Variants in PDXDC1 observed in about 807,000 individuals in gnomAD.
PDXDC1 encodes the protein pyridoxal dependent decarboxylase domain containing 1.
In PDXDC1, 42 loss-of-function variants were observed where a neutral mutation model predicts 100.1. The ratio of observed to expected loss-of-function variants is 0.42; its 90% confidence interval spans 0.33 to 0.54. PDXDC1 has a LOEUF of 0.54. Ranked by LOEUF, PDXDC1 falls within the 20% of genes least tolerant of loss-of-function variation. PDXDC1 has a pLI of 0.10. For missense variants in PDXDC1, 636 were observed against 979.2 expected (o/e 0.65, Z 4.68); for synonymous variants, 260 against 371.7 (o/e 0.70, Z 3.46).
chr16:15,098,482 T>C (rs1392484650), intron 16 of PDXDC1, among the ~76,000 whole-genome samples: 6 of 152,092 alleles, frequency 3.9e-5, no homozygotes, highest in Non-Finnish European at 8.8e-5. Flanking sequence ...ATTACAGGTG[T>C]GAGCCATCGT....
intron 16 of PDXDC1, chr16:15,132,930 C>A (rs1260077186): frequency 6.3e-7 from 1 of 1,579,914 alleles, no homozygotes; most frequent in Non-Finnish European, 8.6e-7. Flanking sequence ...CGGCAGGAGG[C>A]CAGCAGATGC....
In PDXDC1 at chr16:15,128,670, G is replaced by A. The variant is rs563450612; in HGVS notation, c.1400-10209G>A. On this transcript the variant is annotated intron_variant, in intron 16 of 16. Coordinates refer to the PDXDC1 transcript ENST00000535621. ...CAGTCCACACCACAACCAGTGACCC[G>A]CACTGCACACCTGTCCACGCCTCAG... Among the ~76,000 whole-genome samples, 183 of 152,082 alleles carry A rather than the reference G, an allele frequency of 1.2e-3. 1 individual carries two copies. Among genetic ancestry groups the A allele is most frequent in the African/African-American group, 4.2e-3 (176 of 41,480 alleles).
chr16:15,033,232 A>C, intron 18 of PDXDC1, 46 bp from the exon 19 acceptor site: 1 of 1,609,700 alleles, frequency 6.2e-7, no homozygotes, highest in South Asian at 1.1e-5. Flanking sequence ...CGTCTCACCC[A>C]TGACAGAGGA....
intron 7 of PDXDC1, among the ~76,000 whole-genome samples, 169 bp downstream of exon 7, chr16:15,009,016 G>C (rs1039979223): frequency 6.6e-6 from 1 of 152,278 alleles, no homozygotes; most frequent in Non-Finnish European, 1.5e-5. Context: ...TGTCCATGAA[G>C]GTTGGTTGGT....
chr16:15,136,366 T>C (rs2048346566), intron 16 of PDXDC1, among the ~76,000 whole-genome samples: 1 of 151,800 alleles, frequency 6.6e-6, no homozygotes, highest in Admixed American at 6.5e-5. Context: ...TGCCCAGGAG[T>C]GTCCGGAGGC....
At chr16:15,000,298 C>T (rs1256477513) in intron 3 of PDXDC1, among the ~76,000 whole-genome samples, 1 of 152,290 alleles carries the variant, frequency 6.6e-6, no homozygotes, top group East Asian at 1.9e-4. Flanking sequence ...ATGCCAGGCA[C>T]AGCTAAGTGC....
chr16:15,030,068 T>G lies in PDXDC1; in HGVS notation c.1399+12T>G. 1 of 1,551,130 alleles carries G rather than the reference T, an allele frequency of 6.4e-7. No individual in the cohort carries two copies. Among genetic ancestry groups the G allele is most frequent in the Non-Finnish European group, 8.7e-7 (1 of 1,146,194 alleles). ...GATGACCGCAGCAGGTAAACCAGGC[T>G]TGGTGGACATCCCTTGCTTTTGTTC... On this transcript the variant is annotated intron_variant, in intron 16 of 22. Transcript: ENST00000396410.
chr16:14,984,499 T>A lies in PDXDC1; in HGVS notation c.21+9279T>A, dbSNP rs866695291. Among the ~76,000 whole-genome samples the A allele has an allele frequency of 3.8e-3, 398 of 105,686 alleles. 1 individual carries two copies. The highest frequency in any genetic ancestry group is 4.6e-3 in the Non-Finnish European group (230 of 50,396). 69.3% of individuals were successfully genotyped at this position (105,686 alleles called of 152,430 possible). ...TACATATATATATATATATATATTTTTTTTTTTTTTTTTTCTGAGACGGAC... is the reference window on the plus strand; with the variant it reads ...TACATATATATATATATATATATTTATTTTTTTTTTTTTTCTGAGACGGAC... On this transcript the variant is annotated intron_variant, in intron 1 of 22. Coordinates refer to ENST00000396410, the MANE Select transcript of PDXDC1 (RefSeq NM_015027.4).
the PDXDC1 span, among the ~76,000 whole-genome samples, chr16:15,152,116 C>T: frequency 1.5e-4 from 21 of 144,744 alleles, no homozygotes; most frequent in African/African-American, 5.2e-4. Flanking sequence ...AAAGCCACCA[C>T]CTCTCGGCAG....
Position 15,036,281 on chromosome 16 carries a change from A to T in PDXDC1, c.*6A>T. 1 of 1,611,428 alleles carries T rather than the reference A, an allele frequency of 6.2e-7. No homozygotes were observed. Among genetic ancestry groups the T allele is most frequent in the Non-Finnish European group, 8.5e-7 (1 of 1,178,008 alleles). On this transcript the variant is annotated 3_prime_UTR_variant, in exon 23 of 23. Transcript: ENST00000396410. ...GACCGGAGAGCTTAAGATGAGACTC[A>T]TTGTGTGGTTTGAGACTGTACTGAG...
chr16:14,994,325 A>G (rs1368426499), intron 1 of PDXDC1, among the ~76,000 whole-genome samples: 1 of 152,296 alleles, frequency 6.6e-6, no homozygotes, highest in Non-Finnish European at 1.5e-5. Context: ...TATAAGATGT[A>G]AGGAAGGGAT....
intron 16 of PDXDC1, among the ~76,000 whole-genome samples, chr16:15,112,212 G>C (rs1319797215): frequency 6.7e-6 from 1 of 148,514 alleles, no homozygotes; most frequent in Non-Finnish European, 1.5e-5. Context: ...TGAATCTCCT[G>C]AGGTAGTCAT....
intron 16 of PDXDC1, chr16:15,073,048 A>G (rs780710394): frequency 1.2e-6 from 2 of 1,612,778 alleles, no homozygotes; most frequent in South Asian, 1.1e-5. Context: ...AGGTCGCGAT[A>G]TAGATCCTTT....
At chr16:15,019,404 C>T (rs1270433270) in intron 12 of PDXDC1, among the ~76,000 whole-genome samples, 1 of 152,276 alleles carries the variant, frequency 6.6e-6, no homozygotes, top group Non-Finnish European at 1.5e-5. Context: ...CTCTTGGGGA[C>T]AATTCTAATT....
chr16:15,096,777 C>T (rs1474839383), intron 16 of PDXDC1, among the ~76,000 whole-genome samples: 3 of 152,248 alleles, frequency 2.0e-5, no homozygotes, highest in Non-Finnish European at 4.4e-5. Flanking sequence ...CGGGCTCCTA[C>T]AGCTTATGCA....
chr16:15,015,726 A>C (rs1184203233), intron 8 of PDXDC1: 222 of 263,896 alleles, frequency 8.4e-4, no homozygotes, highest in Middle Eastern at 1.2e-3. Context: ...AAAAAAAAAA[A>C]AAAACAGTTA....
chr16:15,024,497 C>G (rs2042437766), intron 13 of PDXDC1, among the ~76,000 whole-genome samples: 1 of 152,024 alleles, frequency 6.6e-6, no homozygotes, highest in African/African-American at 2.4e-5. Context: ...ACCTCCGCCT[C>G]CTGGGTCCCT....
intron 16 of PDXDC1, chr16:15,125,718 G>A (rs746718190): frequency 4.2e-6 from 6 of 1,426,388 alleles, no homozygotes; most frequent in Admixed American, 1.7e-5. Flanking sequence ...AGAACGTGAG[G>A]AAGGAGCTGT....
At chr16:15,129,576 G>A (rs1598226805) in intron 16 of PDXDC1, among the ~76,000 whole-genome samples, 2 of 152,232 alleles carry the variant, frequency 1.3e-5, no homozygotes, top group Non-Finnish European at 2.9e-5. Context: ...AGTCAGGATC[G>A]CGGGTGGATG....
Sources: gnomAD v4.1 joint callset for allele counts (sites outside exome capture counted in the v4.1 genomes callset) on GRCh38, gnomAD v4.1.1 for gene constraint, MANE v1.5 for transcripts, NCBI Gene and HGNC (gene_info 2026-07-23, HGNC 2026-07-21) for gene names.